The following STK36 variants were observed in gnomAD, a reference collection of about 807,000 sequenced individuals.
STK36 encodes serine/threonine-protein kinase 36.
STK36 carries 116 observed loss-of-function variants against 142.2 expected under a neutral mutation model. That is an observed-to-expected ratio of 0.82 (90% CI 0.70 to 0.95). STK36 has a LOEUF of 0.95. Among genes scored for constraint, STK36 ranks in the 40% least tolerant of loss-of-function variants. The probability of loss-of-function intolerance (pLI) is 0.00; values close to 1 mark genes in which losing one functional copy is unlikely to be tolerated. For missense variants in STK36, 1,422 were observed against 1,617.2 expected (o/e 0.88, Z 2.07); for synonymous variants, 619 against 641.7 (o/e 0.96, Z 0.53).
intron 11 of STK36, among the ~76,000 whole-genome samples, chr2:218,687,242 C>A (rs1940814290): frequency 1.3e-5 from 2 of 152,118 alleles, no homozygotes; most frequent in Admixed American, 1.3e-4. Context: ...TCTTTTGAAG[C>A]AAAAAATGTT....
intron 26 of STK36, among the ~76,000 whole-genome samples, chr2:218,700,407 C>T (rs1362865456): frequency 1.3e-5 from 2 of 151,320 alleles, no homozygotes; most frequent in Non-Finnish European, 2.9e-5. Flanking sequence ...TATTTATTTA[C>T]TTATTTATTT....
chr2:218,677,175 C>A (rs970468497), intron 6 of STK36, among the ~76,000 whole-genome samples: 1 of 152,194 alleles, frequency 6.6e-6, no homozygotes, highest in East Asian at 1.9e-4. Flanking sequence ...TCAGGTGATC[C>A]GCCTGCCTTG....
rs897062115 is a variant in STK36, at chr2:218,689,331, A to G, written c.1560+455A>G. ...CTTCATTGACCTGATCTTACAGAGCAGAGTACTAAAATTCAGAGGTAACTC... is the reference window on the plus strand; with the variant it reads ...CTTCATTGACCTGATCTTACAGAGCGGAGTACTAAAATTCAGAGGTAACTC... On this transcript the variant is annotated intron_variant, in intron 12 of 26. Coordinates refer to ENST00000295709, the MANE Select transcript of STK36 (RefSeq NM_015690.5). Among the ~76,000 whole-genome samples the G allele has an allele frequency of 5.3e-5, 8 of 152,254 alleles. No homozygotes were observed. The South Asian group carries it at 8.3e-4, about 16-fold the overall frequency.
At chr2:218,675,625 A>AGCAATTCTAC (rs1559328789) in intron 5 of STK36, 152 bp downstream of exon 5, 1 of 972,416 alleles carries the variant, frequency 1.0e-6, no homozygotes, top group African/African-American at 1.7e-5. Context: ...CCCGGATTCA[A>AGCAATTCTAC]GCAATTCTAC....
intron 14 of STK36, 124 bp downstream of exon 14, chr2:218,690,679 C>G: frequency 1.3e-6 from 1 of 774,844 alleles, no homozygotes; most frequent in Non-Finnish European, 2.2e-6. Context: ...TAAATTCCCA[C>G]CATGCCATAT....
At chr2:218,689,189 T>C (rs1377905128) in intron 12 of STK36, among the ~76,000 whole-genome samples, 4 of 152,148 alleles carry the variant, frequency 2.6e-5, no homozygotes, top group African/African-American at 4.8e-5. Context: ...CAGGGAAATA[T>C]GGGCCTGAGA....
intron 10 of STK36, among the ~76,000 whole-genome samples, chr2:218,681,859 G>A (rs1047951100): frequency 1.3e-5 from 2 of 152,162 alleles, no homozygotes; most frequent in Non-Finnish European, 2.9e-5. Context: ...GGTGCAATGG[G>A]GATTAAGTTT....
chr2:218,692,819 A>G, intron 16 of STK36, 109 bp downstream of exon 16: 1 of 1,405,770 alleles, frequency 7.1e-7, no homozygotes, highest in Non-Finnish European at 9.4e-7. Context: ...CCCCTCCTTT[A>G]GTACTTCCAG....
rs1941466699 is a variant in STK36 at position 218,702,170 on chromosome 2, T to G, written c.*161T>G. 1 of 850,314 alleles carries G rather than the reference T, an allele frequency of 1.2e-6. No individual in the cohort carries two copies. Among genetic ancestry groups the G allele is most frequent in the Non-Finnish European group, 1.7e-6 (1 of 590,934 alleles). The allele number at this position is 850,314 out of a possible 1,614,324, so 52.7% of individuals were successfully genotyped here. A position where few individuals can be genotyped will look rare whatever the true frequency, so the allele number is the denominator to read the frequency against. The stretch of plus-strand genomic sequence containing the variant: ...CTAGAAGAGATTTATATATAAAGCT[T>G]CTTCCTTCTCCCAGATGCAGGATGT... On this transcript the variant is annotated 3_prime_UTR_variant, in exon 27 of 27. Coordinates refer to ENST00000295709, the MANE Select transcript of STK36 (RefSeq NM_015690.5).
intron 2 of STK36, 90 bp downstream of exon 2, chr2:218,673,003 G>A: frequency 8.3e-7 from 1 of 1,204,342 alleles, no homozygotes; most frequent in Non-Finnish European, 1.2e-6. Flanking sequence ...ATTTATACCA[G>A]TTTGTATTCC....
At position 218,694,451 on chromosome 2, in the gene STK36, C is replaced by A; in HGVS notation, c.2401-74C>A. ...GCATTCTTTTGGACCAGGACAGAGA[C>A]ATAAATCCTCTCTGCCTGTCCTGAA... On this transcript the variant is annotated intron_variant, in intron 20 of 26. Coordinates refer to ENST00000295709, the MANE Select transcript of STK36 (RefSeq NM_015690.5). This position sits in a 1 kb window ranked among gnomAD's most constrained non-coding sequence, Gnocchi z 4.4. 2 of 1,528,818 alleles carry A rather than the reference C, an allele frequency of 1.3e-6. No individual in the cohort carries two copies. Among genetic ancestry groups the A allele is most frequent in the Non-Finnish European group, 1.8e-6 (2 of 1,102,992 alleles). The allele number at this position is 1,528,818 out of a possible 1,614,324, so 94.7% of individuals were successfully genotyped here.
intron 6 of STK36, among the ~76,000 whole-genome samples, chr2:218,677,385 G>C (rs1438842233): frequency 6.6e-6 from 1 of 152,192 alleles, no homozygotes; most frequent in East Asian, 1.9e-4. Flanking sequence ...GATTTGGACG[G>C]GGACACAAAT....
rs1303995645 is a variant in STK36 at position 218,679,962 on chromosome 2, C to G, written c.1018C>G (p.Pro340Ala). Residue 340 changes from proline to alanine, a missense_variant, in exon 9 of 27, where the codon CCT (proline) becomes GCT (alanine). Pro to Ala is a conservative substitution (Grantham distance 27, BLOSUM62 -1). Around this residue, in one of 2 missense-constraint regions of STK36, gnomAD observed 460 missense variants for 449.6 expected, o/e 1.02. Coordinates refer to ENST00000295709, the MANE Select transcript of STK36 (RefSeq NM_015690.5). ...CAGCAAGGTGGCTCCTGGCACAGCC[C>G]CTCTGCCCAGACTCGGGGCCACTCC... ...KTSKVAPGTA[P>A]LPRLGATPQE... is the part of the protein sequence containing the mutation. The G allele has an allele frequency of 6.2e-7, 1 of 1,614,194 alleles. No individual in the cohort carries two copies. The highest frequency in any genetic ancestry group is 1.3e-5 in the African/African-American group (1 of 75,044).
At chr2:218,676,374 G>A in intron 6 of STK36, 96 bp downstream of exon 6, 1 of 1,470,072 alleles carries the variant, frequency 6.8e-7, no homozygotes, top group Non-Finnish European at 9.1e-7. Flanking sequence ...AGCTGAGGCG[G>A]GACTTTGCAG....
At chr2:218,690,030 G>A in intron 13 of STK36, 74 bp downstream of exon 13, 1 of 1,342,886 alleles carries the variant, frequency 7.4e-7, no homozygotes. Context: ...TTCCCATTTA[G>A]GAACAGGCCA....
intron 2 of STK36, 165 bp downstream of exon 2, chr2:218,673,078 A>G (rs1302140826): frequency 1.8e-6 from 1 of 564,082 alleles, no homozygotes; most frequent in Non-Finnish European, 3.1e-6. Flanking sequence ...ATTTGGGTGC[A>G]AATTCCATCT....
At chr2:218,686,939 A>G (rs1479604364) in intron 11 of STK36, among the ~76,000 whole-genome samples, 2 of 152,158 alleles carry the variant, frequency 1.3e-5, no homozygotes, top group African/African-American at 4.8e-5. Context: ...TTATTGTCTA[A>G]CTTTTTTACT....
intron 11 of STK36, among the ~76,000 whole-genome samples, chr2:218,688,013 C>A (rs1320314461): frequency 6.6e-6 from 1 of 152,062 alleles, no homozygotes; most frequent in African/African-American, 2.4e-5. Context: ...CAAAAATTAG[C>A]TAGGTGTGGT....
rs527313036 is a variant in STK36 at position 218,674,482 on chromosome 2, C to T, written c.303+526C>T. ...ATCCTCCAGCCACATTTATTCTAGG[C>T]GTTTGTCTGTACCCAAGCAAGTAGG... On this transcript the variant is annotated intron_variant, in intron 4 of 26. Transcript: ENST00000295709. Among the ~76,000 whole-genome samples, 8 of 152,266 alleles carry T rather than the reference C, an allele frequency of 5.3e-5. No individual in the cohort carries two copies. In the East Asian group the frequency reaches 1.2e-3, roughly 22 times the overall value.
Sources: allele counts gnomAD v4.1 joint callset (sites outside exome capture counted in the v4.1 genomes callset), GRCh38; gene constraint gnomAD v4.1.1; regional missense constraint gnomAD v4.1.1; non-coding constraint Gnocchi (gnomAD v3.1); transcripts MANE v1.5; gene names NCBI Gene and HGNC (gene_info 2026-07-23, HGNC 2026-07-21).